The following VPS35L variants were observed in gnomAD, a reference collection of about 807,000 sequenced individuals.
The protein encoded by VPS35L is VPS35 endosomal protein sorting factor like, also known as VPS35 endosomal protein-sorting factor-like.
Under a neutral mutation model 133.0 loss-of-function variants are expected in VPS35L, and 83 were observed. The ratio of observed to expected loss-of-function variants is 0.62; its 90% CI spans 0.52 to 0.75. VPS35L has a LOEUF of 0.75. VPS35L is among the 30% of genes least tolerant of loss of function. The probability of loss-of-function intolerance (pLI) is 0.00; values close to 1 mark genes in which losing one functional copy is unlikely to be tolerated. For synonymous variants in VPS35L, 423 were observed against 449.9 expected (o/e 0.94, Z 0.76); for missense variants, 1,083 against 1,206.8 (o/e 0.90, Z 1.52).
intron 12 of VPS35L, among the ~76,000 whole-genome samples, chr16:19,612,134 T>G (rs1429093991): frequency 1.3e-5 from 2 of 152,064 alleles, no homozygotes; most frequent in Non-Finnish European, 2.9e-5. Flanking sequence ...AGACGGGGTT[T>G]CACCATGTTG....
At position 19,631,715 on chromosome 16, in the gene VPS35L, T is replaced by C. The variant is rs147104559; in HGVS notation, c.1555-1377T>C. Among the ~76,000 whole-genome samples the C allele has an allele frequency of 5.0e-3, 761 of 152,294 alleles. 6 individuals carry two copies. Among genetic ancestry groups the C allele is most frequent in the African/African-American group, 0.018 (731 of 41,562 alleles). ...TGTAAAAATATAAAGATTCCATTGA[T>C]TGATTGATTGACAGACAGGATCTCA... On this transcript the variant is annotated intron_variant, in intron 18 of 30. Coordinates refer to ENST00000417362, the MANE Select transcript of VPS35L (RefSeq NM_020314.7).
At position 19,605,070 on chromosome 16, in the gene VPS35L, C is replaced by T. The variant is rs937671248; in HGVS notation, c.785-3108C>T. 6.6e-5 allele frequency among the ~76,000 whole-genome samples: 10 copies of T among 152,178 alleles called. 1 individual carries two copies. The highest frequency in any genetic ancestry group is 3.9e-4 in the Admixed American group (6 of 15,280). On this transcript the variant is annotated intron_variant, in intron 9 of 30. Transcript: ENST00000417362. ...CTGATGTGGGCCACATCGGGATAAG[C>T]AGTGGCCTTAACTGACCTGGCCTTT...
Position 19,629,488 on chromosome 16 carries a change from A to G in VPS35L, c.1501-279A>G, listed in dbSNP as rs187345407. Among the ~76,000 whole-genome samples, 96 of 150,958 alleles carry G rather than the reference A, an allele frequency of 6.4e-4. No homozygotes were observed. In the Middle Eastern group the frequency reaches 0.014, roughly 22 times the overall value. On this transcript the variant is annotated intron_variant, in intron 17 of 30. Transcript: ENST00000417362. ...TGCGTTCAGAACTGCCATAAAAAAT[A>G]CAACTTAAAAAAAATGCATAACATT... is the stretch of plus-strand genomic sequence containing the variant.
chr16:19,626,843 C>T (rs1014176073), intron 15 of VPS35L, among the ~76,000 whole-genome samples: 3 of 152,168 alleles, frequency 2.0e-5, no homozygotes, highest in Non-Finnish European at 4.4e-5. Flanking sequence ...TGAAATTGAT[C>T]TCCCTGACTC....
chr16:19,557,032 T>G (rs1970882439), intron 1 of VPS35L, among the ~76,000 whole-genome samples: 1 of 151,968 alleles, frequency 6.6e-6, no homozygotes, highest in African/African-American at 2.4e-5. Context: ...CTTGGGAGGG[T>G]GAGGCAGGAG....
intron 1 of VPS35L, among the ~76,000 whole-genome samples, chr16:19,557,676 C>T (rs993669301): frequency 6.6e-6 from 1 of 152,180 alleles, no homozygotes; most frequent in African/African-American, 2.4e-5. Context: ...AGCTACCACA[C>T]CCGGCCCGTG....
Position 19,637,745 on chromosome 16 carries a change from C to T in VPS35L, c.1698+89C>T, listed in dbSNP as rs150773648. ...AGTAATGTTTTCATGATGCCCCAGG[C>T]CAAAAGAAATATTCAGCAGTTCCTT... On this transcript the variant is annotated intron_variant, in intron 20 of 30. Transcript: ENST00000417362. 143 of 894,528 alleles carry T rather than the reference C, an allele frequency of 1.6e-4. No individual in the cohort carries two copies. In the African/African-American group the frequency reaches 2.3e-3, roughly 15 times the overall value. 55.4% of individuals were successfully genotyped at this position (894,528 alleles called of 1,614,324 possible).
chr16:19,663,648 G>T (rs1974562051), intron 26 of VPS35L, among the ~76,000 whole-genome samples: 1 of 120,494 alleles, frequency 8.3e-6, no homozygotes, highest in African/African-American at 3.2e-5. Flanking sequence ...TTACTTGCTT[G>T]GTGCAACAGT....
chr16:19,653,641 T>C (rs190382603), intron 26 of VPS35L, among the ~76,000 whole-genome samples: 1 of 152,374 alleles, frequency 6.6e-6, no homozygotes, highest in Admixed American at 6.5e-5. Context: ...GGAGGTGGAC[T>C]GAGGTTTTCA....
chr16:19,693,478 TA>T (rs149874062), intron 29 of VPS35L, among the ~76,000 whole-genome samples: 29 of 149,820 alleles, frequency 1.9e-4, no homozygotes, highest in Middle Eastern at 3.4e-3. Context: ...CTGTCTCTAT[TA>T]AAAAAAAAAT....
Position 19,616,750 on chromosome 16 carries a change from C to G in VPS35L, c.1166C>G (p.Pro389Arg). ...GGAGTGGAGCTCCCATCTTACCTCC[C>G]CTTGTACCCGCCTGCCATGGACTGG... ...VQGVELPSYL[P>R]LYPPAMDWIF... is the part of the protein sequence containing the mutation. The change falls in exon 14 of 31, where the codon CCC (proline) becomes CGC (arginine). Residue 389 changes from proline (P) to arginine (R), a missense_variant. Coordinates refer to ENST00000417362, the MANE Select transcript of VPS35L (RefSeq NM_020314.7). 3.7e-6 allele frequency: 6 copies of G among 1,614,182 alleles called. No individual in the cohort carries two copies. Among genetic ancestry groups the G allele is most frequent in the Non-Finnish European group, 5.1e-6 (6 of 1,180,014 alleles).
chr16:19,701,157 T>C lies in VPS35L; in HGVS notation c.*681T>C, dbSNP rs1424102316. On this transcript the variant is annotated 3_prime_UTR_variant, in exon 31 of 31. Coordinates refer to ENST00000417362, the MANE Select transcript of VPS35L (RefSeq NM_020314.7). ...TCATGACTGTTCATTTAATTACTTCTGACTGTCTTCCTCCAGAAGAGAAAG... is the reference window on the plus strand; with the variant it reads ...TCATGACTGTTCATTTAATTACTTCCGACTGTCTTCCTCCAGAAGAGAAAG... The C allele has an allele frequency of 6.6e-6, 1 of 152,190 alleles. No homozygotes were observed. Among genetic ancestry groups the C allele is most frequent in the Non-Finnish European group, 1.5e-5 (1 of 68,044 alleles). The allele number at this position is 152,190 out of a possible 1,614,324, so 9.4% of individuals were successfully genotyped here. A position where few individuals can be genotyped will look rare whatever the true frequency, so the allele number is the denominator to read the frequency against.
intron 24 of VPS35L, among the ~76,000 whole-genome samples, chr16:19,649,028 G>T (rs780341498): frequency 2.6e-5 from 4 of 151,492 alleles, no homozygotes; most frequent in Non-Finnish European, 5.9e-5. Context: ...TTGCTTTGTT[G>T]CCCAGGCTAG....
chr16:19,700,293 G>C, intron 30 of VPS35L, 85 bp from the exon 31 acceptor site: 2 of 1,191,720 alleles, frequency 1.7e-6, no homozygotes, highest in Non-Finnish European at 2.4e-6. Flanking sequence ...AGAAATCTAA[G>C]CTCACATAAT....
In VPS35L at chr16:19,631,567, G is replaced by A. The variant is rs906192302; in HGVS notation, c.1555-1525G>A. Among the ~76,000 whole-genome samples the A allele has an allele frequency of 4.9e-4, 75 of 152,210 alleles. 2 individuals carry two copies. The Middle Eastern group carries it at 0.014, about 28-fold the overall frequency. ...GCACTCCCTTGTACCCATCAATCAG[G>A]AATTATCAATTTATGACAGATCTTG... On this transcript the variant is annotated intron_variant, in intron 18 of 30. Coordinates refer to ENST00000417362, the MANE Select transcript of VPS35L (RefSeq NM_020314.7).
In VPS35L at chr16:19,666,900, CTTTCTTTCTTTCTTTCTTTCTTTCTTT is replaced by C. The variant is rs1567470369; in HGVS notation, c.2222-2259_2222-2233del. On this transcript the variant is annotated intron_variant, in intron 26 of 30. Coordinates refer to ENST00000417362, the MANE Select transcript of VPS35L (RefSeq NM_020314.7). The stretch of plus-strand genomic sequence containing the variant: ...TCTTTCTTTCTTTCTTTCTTTCTTT[CTTTCTTTCTTTCTTTCTTTCTTTCTTT>C]CTTTCTTCCTTTCTTCCTTTCTTCC... Among the ~76,000 whole-genome samples, 250 of 106,160 alleles carry C rather than the reference CTTTCTTTCTTTCTTTCTTTCTTTCTTT, an allele frequency of 2.4e-3. 2 individuals are homozygous for C. The highest frequency in any genetic ancestry group is 2.6e-3 in the Admixed American group (25 of 9,682). 69.6% of individuals were successfully genotyped at this position (106,160 alleles called of 152,430 possible). A position where few individuals can be genotyped will look rare whatever the true frequency, so the allele number is the denominator to read the frequency against.
At chr16:19,629,246 A>T (rs535083977) in intron 17 of VPS35L, among the ~76,000 whole-genome samples, 2 of 152,322 alleles carry the variant, frequency 1.3e-5, no homozygotes, top group South Asian at 4.1e-4. Flanking sequence ...AGCCTGGACA[A>T]CATAGCAAGA....
intron 5 of VPS35L, among the ~76,000 whole-genome samples, chr16:19,576,507 C>T (rs564866453): frequency 6.6e-6 from 1 of 152,244 alleles, no homozygotes; most frequent in Non-Finnish European, 1.5e-5. Flanking sequence ...ATGCCTGGCC[C>T]CCACTTGCTC....
chr16:19,578,272 T>A, intron 5 of VPS35L: 1 of 448,934 alleles, frequency 2.2e-6, no homozygotes, highest in Non-Finnish European at 4.4e-6. Context: ...TAAGTCCACA[T>A]TTCTTTCTTT....
Sources: gnomAD v4.1 joint callset for allele counts (sites outside exome capture counted in the v4.1 genomes callset) on GRCh38, gnomAD v4.1.1 for gene constraint, MANE v1.5 for transcripts, NCBI Gene and HGNC (gene_info 2026-07-23, HGNC 2026-07-21) for gene names.